Variants in CADPS observed in about 807,000 individuals in gnomAD.
The protein encoded by CADPS is calcium dependent secretion activator, also known as calcium-dependent secretion activator 1.
Under a neutral mutation model 167.3 loss-of-function variants are expected in CADPS, and 57 were observed. That is an observed-to-expected ratio of 0.34 (90% confidence interval 0.28 to 0.42). The LOEUF (loss-of-function observed/expected upper bound fraction) is 0.42. Among genes scored for constraint, CADPS ranks in the 20% least tolerant of loss-of-function variants. CADPS has a pLI of 1.00. For missense variants in CADPS, 1,414 were observed against 1,738.1 expected, an observed-to-expected ratio of 0.81 and a Z score of 3.32; for synonymous variants, 676 against 635.3, an observed-to-expected ratio of 1.06 and a Z score of -0.96.
chr3:62,593,053 G>A (rs1310533463), intron 6 of CADPS, among the ~76,000 whole-genome samples: 3 of 152,180 alleles, frequency 2.0e-5, no homozygotes, highest in African/African-American at 7.2e-5. Flanking sequence ...ATCTACAAAC[G>A]ATTCCAGGGA....
chr3:62,506,399 AC>A (rs1240514420), intron 17 of CADPS, among the ~76,000 whole-genome samples: 1 of 152,224 alleles, frequency 6.6e-6, no homozygotes, highest in Non-Finnish European at 1.5e-5. Flanking sequence ...AAAAACAAAA[AC>A]AAAAACTATT....
intron 17 of CADPS, among the ~76,000 whole-genome samples, chr3:62,509,856 T>G (rs2067402605): frequency 6.6e-6 from 1 of 152,146 alleles, no homozygotes; most frequent in African/African-American, 2.4e-5. Flanking sequence ...GCAAAAAGTC[T>G]ACATGGTAGA....
chr3:62,723,312 A>C (rs1291130681), intron 3 of CADPS, among the ~76,000 whole-genome samples: 1 of 152,168 alleles, frequency 6.6e-6, no homozygotes, highest in Non-Finnish European at 1.5e-5. Context: ...GCTGAACCCG[A>C]GTGTGACCAG....
Position 62,478,239 on chromosome 3 carries a change from C to T in CADPS, c.3329+22G>A, listed in dbSNP as rs757822567. The T allele has an allele frequency of 1.9e-6, 3 of 1,612,830 alleles. No individual in the cohort carries two copies. Among genetic ancestry groups the T allele is most frequent in the Middle Eastern group, 3.5e-4 (2 of 5,642 alleles). On this transcript the variant is annotated intron_variant, in intron 23 of 29. Transcript: ENST00000383710. This position sits in a 1 kb window ranked among gnomAD's most constrained non-coding sequence, Gnocchi z 5.7. ...GTATGGTGGGGAGGGTGTGCAGAAC[C>T]TGTCCAGCCACCTATACTTACCTTT...
chr3:62,469,043 A>G (rs1296071710), intron 24 of CADPS, among the ~76,000 whole-genome samples: 2 of 152,326 alleles, frequency 1.3e-5, no homozygotes, highest in East Asian at 3.9e-4. Context: ...ATGTGTATAT[A>G]CATTTCTCTA....
chr3:62,567,726 C>T (rs901381167), intron 9 of CADPS, among the ~76,000 whole-genome samples: 1 of 151,880 alleles, frequency 6.6e-6, no homozygotes, highest in African/African-American at 2.4e-5. Flanking sequence ...AGGTGCGAGC[C>T]AGCATGCCTG....
intron 1 of CADPS, among the ~76,000 whole-genome samples, chr3:62,860,508 G>A (rs1485465572): frequency 1.3e-5 from 2 of 152,128 alleles, no homozygotes; most frequent in Non-Finnish European, 2.9e-5. Context: ...ACCTGCATAG[G>A]AAGTCAGCCC....
rs1335098181 is a variant in CADPS, at chr3:62,433,721, C to G, written c.3777+4383G>C. ...GCAGATGAATTCACCCTAAGCACAT[C>G]TCTTTTAATCCCGATTTTCTTCTCA... On this transcript the variant is annotated intron_variant, in intron 28 of 29. Transcript: ENST00000383710. This position sits in a 1 kb window ranked among gnomAD's most constrained non-coding sequence, Gnocchi z 4.7. Among the ~76,000 whole-genome samples the G allele has an allele frequency of 6.6e-6, 1 of 152,188 alleles. No individual in the cohort carries two copies. The highest frequency in any genetic ancestry group is 6.5e-5 in the Admixed American group (1 of 15,278).
intron 1 of CADPS, among the ~76,000 whole-genome samples, chr3:62,873,612 G>A (rs375515071): frequency 3.9e-4 from 48 of 123,958 alleles, no homozygotes; most frequent in African/African-American, 1.6e-3. Context: ...GATAGAAATA[G>A]GCGCCTTTTT....
intron 13 of CADPS, among the ~76,000 whole-genome samples, chr3:62,523,190 CT>C (rs563851024): frequency 5.9e-5 from 9 of 151,302 alleles, no homozygotes; most frequent in East Asian, 3.9e-4. Context: ...TTGCATTTTT[CT>C]TTTTTTTTGT....
At chr3:62,782,183 C>T (rs913624416) in intron 1 of CADPS, among the ~76,000 whole-genome samples, 1 of 152,144 alleles carries the variant, frequency 6.6e-6, no homozygotes, top group Admixed American at 6.5e-5. Flanking sequence ...GGAAAAAAGA[C>T]ATTTCCCCCT....
At chr3:62,833,721 A>T (rs1415345662) in intron 1 of CADPS, among the ~76,000 whole-genome samples, 1 of 152,026 alleles carries the variant, frequency 6.6e-6, no homozygotes, top group Non-Finnish European at 1.5e-5. Flanking sequence ...AGGGAGACAG[A>T]GAAGCTGGTG....
At chr3:62,490,852 G>A (rs1250791634) in intron 21 of CADPS, among the ~76,000 whole-genome samples, 4 of 152,106 alleles carry the variant, frequency 2.6e-5, no homozygotes, top group Non-Finnish European at 4.4e-5. Context: ...TTTACATACT[G>A]TCTATGACTG....
At chr3:62,511,621 A>G (rs1347033789) in intron 17 of CADPS, among the ~76,000 whole-genome samples, 1 of 152,042 alleles carries the variant, frequency 6.6e-6, no homozygotes, top group Non-Finnish European at 1.5e-5. Flanking sequence ...TCCATTCCCA[A>G]TCCTAGCTCC....
At chr3:62,470,278 G>A (rs1483375266) in intron 24 of CADPS, among the ~76,000 whole-genome samples, 3 of 152,170 alleles carry the variant, frequency 2.0e-5, no homozygotes, top group Non-Finnish European at 2.9e-5. Flanking sequence ...TCTAAAGCAG[G>A]TTGAGGGAGT....
intron 1 of CADPS, among the ~76,000 whole-genome samples, chr3:62,830,047 T>C (rs539901930): frequency 2.0e-5 from 3 of 152,148 alleles, no homozygotes; most frequent in Admixed American, 6.5e-5. Flanking sequence ...CAGTGGGTGA[T>C]TGGTTTCCAC....
chr3:62,512,273 C>T (rs1233710875), intron 17 of CADPS, among the ~76,000 whole-genome samples: 1 of 152,140 alleles, frequency 6.6e-6, no homozygotes, highest in African/African-American at 2.4e-5. Context: ...GTTCGGTCAT[C>T]CTGTCCATGC....
At chr3:62,669,997 C>T (rs1268437440) in intron 3 of CADPS, among the ~76,000 whole-genome samples, 3 of 152,132 alleles carry the variant, frequency 2.0e-5, no homozygotes, top group Non-Finnish European at 4.4e-5. Context: ...ATAATTAGCT[C>T]GAGATAGAGG....
chr3:62,462,535 C>T (rs1039904671), intron 26 of CADPS, among the ~76,000 whole-genome samples: 1 of 152,230 alleles, frequency 6.6e-6, no homozygotes, highest in African/African-American at 2.4e-5. Flanking sequence ...TACTCGTCAG[C>T]TTTCTGGGGG....
Sources: gnomAD v4.1 joint callset for allele counts (sites outside exome capture counted in the v4.1 genomes callset) on GRCh38, gnomAD v4.1.1 for gene constraint, Gnocchi (gnomAD v3.1) non-coding constraint, MANE v1.5 for transcripts, NCBI Gene and HGNC (gene_info 2026-07-23, HGNC 2026-07-21) for gene names.